The following TRAK2 variants were observed in gnomAD, a reference collection of about 807,000 sequenced individuals.
The protein encoded by TRAK2 is trafficking kinesin protein 2.
In TRAK2, 81 loss-of-function variants were observed where a neutral mutation model predicts 104.6. The ratio of observed to expected loss-of-function variants is 0.77; its 90% confidence interval spans 0.65 to 0.93. The LOEUF (loss-of-function observed/expected upper bound fraction) is 0.93. TRAK2 is among the 40% of genes least tolerant of loss of function. The pLI, the probability that TRAK2 is intolerant of heterozygous loss-of-function variation, is 0.00. For missense variants in TRAK2, 1,002 were observed against 1,089.0 expected, an observed-to-expected ratio of 0.92 and a Z score of 1.12; for synonymous variants, 406 against 394.4, an observed-to-expected ratio of 1.03 and a Z score of -0.35.
At chr2:201,404,487 GA>G (rs1272552746) in intron 3 of TRAK2, among the ~76,000 whole-genome samples, 14 of 152,278 alleles carry the variant, frequency 9.2e-5, no homozygotes, top group Admixed American at 9.2e-4. Context: ...TAATGTTCCT[GA>G]AAATACAGGG....
chr2:201,415,757 C>T (rs886634197), intron 2 of TRAK2, among the ~76,000 whole-genome samples: 8 of 151,910 alleles, frequency 5.3e-5, no homozygotes, highest in African/African-American at 7.3e-5. Flanking sequence ...AGTCTGAAGT[C>T]CCAGAAGAAA....
chr2:201,424,263 T>C (rs1375769681), intron 1 of TRAK2, among the ~76,000 whole-genome samples: 1 of 152,222 alleles, frequency 6.6e-6, no homozygotes, highest in Non-Finnish European at 1.5e-5. Flanking sequence ...TGATCATTTT[T>C]AGGTAGGGAA....
intron 4 of TRAK2, among the ~76,000 whole-genome samples, chr2:201,400,524 A>C (rs1951542178): frequency 6.6e-6 from 1 of 152,040 alleles, no homozygotes; most frequent in Non-Finnish European, 1.5e-5. Flanking sequence ...AGATCAACTG[A>C]AACAGGTACA....
At chr2:201,387,397 C>T (rs1255118585) in intron 13 of TRAK2, among the ~76,000 whole-genome samples, 1 of 152,030 alleles carries the variant, frequency 6.6e-6, no homozygotes. Flanking sequence ...TTCATCTAAC[C>T]ATGGAAACTG....
At chr2:201,405,727 GT>G (rs1267081693) in intron 3 of TRAK2, among the ~76,000 whole-genome samples, 6 of 152,230 alleles carry the variant, frequency 3.9e-5, no homozygotes, top group Admixed American at 6.5e-5. Context: ...GCTCACGCCT[GT>G]AATCCCAGCA....
Position 201,379,351 on chromosome 2 carries a change from C to G in TRAK2, c.*1192G>C, listed in dbSNP as rs1256873123. ...GAAAAAGAAAAAGCTTTGACTCCCC[C>G]ATTAAAAAGTTTATTCTCTAATTCT... On this transcript the variant is annotated 3_prime_UTR_variant, in exon 16 of 16. Coordinates refer to ENST00000332624, the MANE Select transcript of TRAK2 (RefSeq NM_015049.3). 1 of 152,340 alleles carries G rather than the reference C, an allele frequency of 6.6e-6. No individual in the cohort carries two copies. The highest frequency in any genetic ancestry group is 1.9e-4 in the East Asian group (1 of 5,202). The allele number at this position is 152,340 out of a possible 1,614,324, so 9.4% of individuals were successfully genotyped here.
Position 201,445,888 on chromosome 2 carries a change from G to A in TRAK2, c.-200+5462C>T, listed in dbSNP as rs567781208. 6.6e-5 allele frequency among the ~76,000 whole-genome samples: 10 copies of A among 152,314 alleles called. No individual in the cohort carries two copies. The South Asian group carries it at 2.1e-3, about 32-fold the overall frequency. ...AAATGCAGGATGCAGGATAAATTTT[G>A]GAATGGAGAGATTAGAGACAAAAAT... On this transcript the variant is annotated intron_variant, in intron 1 of 15. Coordinates refer to ENST00000332624, the MANE Select transcript of TRAK2 (RefSeq NM_015049.3).
At chr2:201,431,941 A>G (rs1951845605) in intron 1 of TRAK2, among the ~76,000 whole-genome samples, 1 of 152,230 alleles carries the variant, frequency 6.6e-6, no homozygotes, top group Admixed American at 6.5e-5. Context: ...AGTAGCAGCT[A>G]CCTCAGAGGG....
At chr2:201,412,225 T>G (rs990245468) in intron 2 of TRAK2, 1 of 952,070 alleles carries the variant, frequency 1.1e-6, no homozygotes, top group African/African-American at 1.6e-5. Flanking sequence ...AATGACATGC[T>G]TGGGCAGTAG....
At chr2:201,381,587 G>A (rs183537699) in intron 15 of TRAK2, among the ~76,000 whole-genome samples, 1 of 152,214 alleles carries the variant, frequency 6.6e-6, no homozygotes, top group African/African-American at 2.4e-5. Flanking sequence ...GAAGATTAAG[G>A]AAAGTAATTT....
rs190499888 is a variant in TRAK2, at chr2:201,433,260, A to G, written c.-199-12554T>C. On this transcript the variant is annotated intron_variant, in intron 1 of 15. Transcript: ENST00000332624. ...CAGACCTCAGGAAGGCAGAGGCCAC[A>G]TATCACTATCCAGCTGCACCGATGC... Among the ~76,000 whole-genome samples, 481 of 152,338 alleles carry G rather than the reference A, an allele frequency of 3.2e-3. 1 individual carries two copies. Among genetic ancestry groups the G allele is most frequent in the Non-Finnish European group, 5.5e-3 (372 of 68,034 alleles).
intron 10 of TRAK2, among the ~76,000 whole-genome samples, chr2:201,391,580 G>A (rs964536972): frequency 2.6e-5 from 4 of 152,096 alleles, no homozygotes; most frequent in South Asian, 2.1e-4. Flanking sequence ...AGTATCTGCC[G>A]ATTTTCATCA....
chr2:201,441,255 T>C (rs1951917946), intron 1 of TRAK2, among the ~76,000 whole-genome samples: 2 of 152,232 alleles, frequency 1.3e-5, no homozygotes, highest in Admixed American at 6.5e-5. Flanking sequence ...AATGACACAC[T>C]ATACACTTTT....
intron 1 of TRAK2, among the ~76,000 whole-genome samples, chr2:201,428,745 A>G (rs1403102543): frequency 6.6e-6 from 1 of 152,216 alleles, no homozygotes; most frequent in African/African-American, 2.4e-5. Flanking sequence ...TTGAATCTAT[A>G]AATTACCTTG....
At chr2:201,384,571 A>G (rs1403133724) in intron 14 of TRAK2, among the ~76,000 whole-genome samples, 5 of 152,184 alleles carry the variant, frequency 3.3e-5, no homozygotes, top group Non-Finnish European at 7.3e-5. Context: ...GGGAGTCTAC[A>G]TGTCAAAGCT....
intron 9 of TRAK2, 31 bp downstream of exon 9, chr2:201,394,767 C>G (rs556779676): frequency 6.3e-7 from 1 of 1,576,902 alleles, no homozygotes. Context: ...TCTTTCCCCT[C>G]CTGAATTACA....
chr2:201,444,411 C>A (rs906263042), intron 1 of TRAK2, among the ~76,000 whole-genome samples: 13 of 151,358 alleles, frequency 8.6e-5, no homozygotes, highest in Non-Finnish European at 1.6e-4. Context: ...TTTGTTACTT[C>A]TTTTAATTCT....
At chr2:201,383,749 C>T (rs1299394588) in intron 15 of TRAK2, among the ~76,000 whole-genome samples, 2 of 152,194 alleles carry the variant, frequency 1.3e-5, no homozygotes, top group Non-Finnish European at 2.9e-5. Context: ...GAACCCTCTG[C>T]ACTTGCAGGT....
chr2:201,410,473 A>G, intron 2 of TRAK2: 1 of 706,372 alleles, frequency 1.4e-6, no homozygotes, highest in Non-Finnish European at 2.4e-6. Context: ...AGTTCCTCCA[A>G]GCCAACTACA....
Sources: allele counts gnomAD v4.1 joint callset (sites outside exome capture counted in the v4.1 genomes callset), GRCh38; gene constraint gnomAD v4.1.1; transcripts MANE v1.5; gene names NCBI Gene and HGNC (gene_info 2026-07-23, HGNC 2026-07-21).